The following TTC17 variants were observed in gnomAD, a reference collection of about 807,000 sequenced individuals.
TTC17 encodes tetratricopeptide repeat domain 17, also known as tetratricopeptide repeat protein 17.
Under a neutral mutation model 143.8 loss-of-function variants are expected in TTC17, and 58 were observed. The observed-to-expected ratio is 0.40, with a 90% CI of 0.33 to 0.50. TTC17 has a LOEUF of 0.50. Ranked by LOEUF, TTC17 falls within the 20% of genes least tolerant of loss-of-function variation. The pLI, the probability that TTC17 is intolerant of heterozygous loss-of-function variation, is 0.49. For missense variants in TTC17, 1,273 were observed against 1,392.5 expected (o/e 0.91, Z 1.37); for synonymous variants, 501 against 497.8 (o/e 1.01, Z -0.09).
Position 43,391,903 on chromosome 11 carries a change from G to A in TTC17, c.614G>A (p.Gly205Glu), listed in dbSNP as rs779921184. The part of the protein sequence containing the change: ...PIFTYLSKRL[G>E]RSIDDIGHLI... ...TTCACATATTTATCTAAACGGTTAG[G>A]AAGGAGTATAGATGACATAGGTCAC... is the stretch of plus-strand genomic sequence containing the variant. Residue 205 changes from glycine (G) to glutamate (E), a missense_variant, in exon 5 of 24, where the codon GGA (glycine) becomes GAA (glutamate). This residue lies in a region of TTC17 where 325 missense variants were observed against 444.2 expected (regional missense o/e 0.73). Transcript: ENST00000039989. 13 of 1,613,504 alleles carry A rather than the reference G, an allele frequency of 8.1e-6. No homozygotes were observed. The South Asian group carries it at 1.4e-4, about 18-fold the overall frequency.
intron 21 of TTC17, among the ~76,000 whole-genome samples, chr11:43,475,524 A>G (rs1214496899): frequency 6.6e-6 from 1 of 152,076 alleles, no homozygotes; most frequent in Non-Finnish European, 1.5e-5. Flanking sequence ...AAATAGAGAC[A>G]AGGTCTTCCC....
chr11:43,443,649 A>T, intron 17 of TTC17, 65 bp downstream of exon 17: 1 of 1,538,656 alleles, frequency 6.5e-7, no homozygotes, highest in East Asian at 2.3e-5. Context: ...CCTAATATGC[A>T]AAGTGGGAAG....
chr11:43,405,994 G>T, intron 13 of TTC17, 43 bp downstream of exon 13: 1 of 1,590,398 alleles, frequency 6.3e-7, no homozygotes, highest in Non-Finnish European at 8.5e-7. Context: ...TCCATTCTGG[G>T]TGACTTCAGA....
intron 16 of TTC17, among the ~76,000 whole-genome samples, chr11:43,424,818 C>A (rs1220434540): frequency 6.6e-6 from 1 of 152,056 alleles, no homozygotes; most frequent in Non-Finnish European, 1.5e-5. Context: ...TAGTAGAAAA[C>A]CTTGATGGGC....
intron 21 of TTC17, among the ~76,000 whole-genome samples, chr11:43,464,933 G>T (rs1947941304): frequency 6.6e-6 from 1 of 152,178 alleles, no homozygotes; most frequent in African/African-American, 2.4e-5. Flanking sequence ...AAGCTACAAA[G>T]CACAAGAGAC....
At chr11:43,379,635 T>C (rs143710038) in intron 2 of TTC17, among the ~76,000 whole-genome samples, 22 of 152,346 alleles carry the variant, frequency 1.4e-4, no homozygotes, top group African/African-American at 4.8e-4. Flanking sequence ...GAAAATGATA[T>C]AATCTCTGAA....
At chr11:43,422,357 T>C (rs1466457561) in intron 16 of TTC17, among the ~76,000 whole-genome samples, 1 of 152,156 alleles carries the variant, frequency 6.6e-6, no homozygotes, top group Non-Finnish European at 1.5e-5. Flanking sequence ...AGTAGAGATG[T>C]TGAATAGGTA....
intron 16 of TTC17, among the ~76,000 whole-genome samples, chr11:43,435,928 TCTC>T (rs1947282438): frequency 6.6e-6 from 1 of 152,216 alleles, no homozygotes; most frequent in Non-Finnish European, 1.5e-5. Context: ...CAGTTGTTTT[TCTC>T]CTCCTAAATA....
intron 13 of TTC17, 124 bp from the exon 14 acceptor site, chr11:43,407,014 A>G (rs946079054): frequency 2.8e-5 from 18 of 645,440 alleles, no homozygotes; most frequent in Non-Finnish European, 4.8e-5. Flanking sequence ...ATATATGATC[A>G]TAAATATTTG....
At chr11:43,436,741 C>T (rs1284786295) in intron 16 of TTC17, among the ~76,000 whole-genome samples, 1 of 152,154 alleles carries the variant, frequency 6.6e-6, no homozygotes, top group African/African-American at 2.4e-5. Flanking sequence ...ACAGTTCTTG[C>T]TAAGATTATC....
chr11:43,452,290 A>G (rs959613577), intron 21 of TTC17, among the ~76,000 whole-genome samples: 25 of 152,056 alleles, frequency 1.6e-4, no homozygotes, highest in African/African-American at 5.8e-4. Flanking sequence ...ACTTGAGGAC[A>G]GGGGTTCAAG....
intron 21 of TTC17, among the ~76,000 whole-genome samples, chr11:43,485,965 C>G (rs1214499821): frequency 7.1e-6 from 1 of 140,276 alleles, no homozygotes; most frequent in Non-Finnish European, 1.5e-5. Context: ...TAGACTATAA[C>G]AGGAGACAAC....
chr11:43,494,643 A>G lies in TTC17; in HGVS notation c.*739A>G, dbSNP rs1347601716. On this transcript the variant is annotated 3_prime_UTR_variant, in exon 24 of 24. Transcript: ENST00000039989. ...GGAAACCAATAAGTTGAAATCCTAT[A>G]TAACAGGTTTATATATATAGAATAT... The G allele has an allele frequency of 1.3e-5, 2 of 152,188 alleles. No individual in the cohort carries two copies. Among genetic ancestry groups the G allele is most frequent in the African/African-American group, 2.4e-5 (1 of 41,444 alleles). The allele number at this position is 152,188 out of a possible 1,614,324, so 9.4% of individuals were successfully genotyped here. A position where few individuals can be genotyped will look rare whatever the true frequency, so the allele number is the denominator to read the frequency against.
intron 18 of TTC17, chr11:43,446,443 C>T: frequency 3.9e-6 from 1 of 255,040 alleles, no homozygotes; most frequent in Non-Finnish European, 6.2e-6. Flanking sequence ...TTAATTATTC[C>T]TTTCTGTACC....
intron 15 of TTC17, among the ~76,000 whole-genome samples, chr11:43,414,179 T>C (rs1238134866): frequency 6.6e-6 from 1 of 152,132 alleles, no homozygotes; most frequent in Non-Finnish European, 1.5e-5. Flanking sequence ...GGACACATAT[T>C]ACATGTACTC....
chr11:43,444,405 A>ATAATTTGCATTTAACATTAT (rs1947493009), intron 18 of TTC17, 196 bp downstream of exon 18: 1 of 436,046 alleles, frequency 2.3e-6, no homozygotes, highest in Admixed American at 4.4e-5. Context: ...TGCAAATTCC[A>ATAATTTGCATTTAACATTAT]GTGGATTTAA....
At chr11:43,389,924 G>T in intron 3 of TTC17, 103 bp downstream of exon 3, 1 of 1,092,638 alleles carries the variant, frequency 9.2e-7, no homozygotes, top group Non-Finnish European at 1.3e-6. Context: ...TTCAATCACA[G>T]ATGAGTTTTC....
intron 16 of TTC17, among the ~76,000 whole-genome samples, chr11:43,436,797 AC>A (rs1163315707): frequency 6.6e-6 from 1 of 152,126 alleles, no homozygotes; most frequent in African/African-American, 2.4e-5. Flanking sequence ...CACCCACTTG[AC>A]CACTTTACTC....
intron 19 of TTC17, 87 bp downstream of exon 19, chr11:43,448,209 T>C: frequency 1.3e-6 from 2 of 1,536,406 alleles, no homozygotes; most frequent in Non-Finnish European, 8.8e-7. Flanking sequence ...TAGCAGCTAG[T>C]AGAAGAGTTA....
Sources: allele counts gnomAD v4.1 joint callset (sites outside exome capture counted in the v4.1 genomes callset), GRCh38; gene constraint gnomAD v4.1.1; regional missense constraint gnomAD v4.1.1; transcripts MANE v1.5; gene names NCBI Gene and HGNC (gene_info 2026-07-23, HGNC 2026-07-21).